Variants in SLC7A1 observed in about 807,000 individuals in gnomAD.
SLC7A1 encodes high affinity cationic amino acid transporter 1.
A neutral mutation model predicts 53.9 loss-of-function variants in SLC7A1; 10 were observed. That is an observed-to-expected ratio of 0.19 (90% CI 0.11 to 0.31). The LOEUF (loss-of-function observed/expected upper bound fraction) is 0.31. Among genes scored for constraint, SLC7A1 ranks in the 10% least tolerant of loss-of-function variants. The probability of loss-of-function intolerance (pLI) is 1.00; values close to 1 mark genes in which losing one functional copy is unlikely to be tolerated. For missense variants in SLC7A1, 525 were observed against 827.2 expected (o/e 0.63, Z 4.48); for synonymous variants, 342 against 338.7 (o/e 1.01, Z -0.11).
chr13:29,571,714 A>T (rs1871200838), intron 1 of SLC7A1, among the ~76,000 whole-genome samples: 1 of 152,222 alleles, frequency 6.6e-6, no homozygotes, highest in Non-Finnish European at 1.5e-5. Context: ...GCGGAAAAGG[A>T]TTGCCCAGTC....
At chr13:29,565,857 C>T (rs887435605) in intron 1 of SLC7A1, among the ~76,000 whole-genome samples, 7 of 152,204 alleles carry the variant, frequency 4.6e-5, no homozygotes, top group African/African-American at 1.4e-4. Context: ...CTCCTCTTAT[C>T]CAAAGCTTCC....
intron 8 of SLC7A1, among the ~76,000 whole-genome samples, chr13:29,519,905 G>T (rs781122665): frequency 2.5e-4 from 38 of 152,036 alleles, no homozygotes; most frequent in Non-Finnish European, 7.4e-5. Flanking sequence ...ACAAGCATAG[G>T]GTATAAGGAT....
chr13:29,522,739 T>C (rs956826394), intron 7 of SLC7A1, among the ~76,000 whole-genome samples: 7 of 152,248 alleles, frequency 4.6e-5, no homozygotes, highest in African/African-American at 1.4e-4. Flanking sequence ...GATGGAAAAC[T>C]GTATTTATTC....
intron 7 of SLC7A1, among the ~76,000 whole-genome samples, chr13:29,522,741 T>C (rs1868686312): frequency 6.6e-6 from 1 of 152,244 alleles, no homozygotes; most frequent in Non-Finnish European, 1.5e-5. Context: ...TGGAAAACTG[T>C]ATTTATTCCT....
chr13:29,522,236 A>G lies in SLC7A1; in HGVS notation c.1189+81T>C, dbSNP rs1868660569. The G allele has an allele frequency of 2.1e-6, 3 of 1,407,600 alleles. No homozygotes were observed. The East Asian group carries it at 6.9e-5, about 32-fold the overall frequency. The allele number at this position is 1,407,600 out of a possible 1,614,324, so 87.2% of individuals were successfully genotyped here. On this transcript the variant is annotated intron_variant, in intron 8 of 12. Coordinates refer to ENST00000380752, the MANE Select transcript of SLC7A1 (RefSeq NM_003045.5). ...GACCAGTTAAGATTACTCACAGACC[A>G]GAACTGCGCAAGACGTCTCCCTAGG...
At chr13:29,580,038 T>C (rs1464692206) in intron 1 of SLC7A1, among the ~76,000 whole-genome samples, 1 of 152,184 alleles carries the variant, frequency 6.6e-6, no homozygotes, top group Non-Finnish European at 1.5e-5. Flanking sequence ...GGATCCATAA[T>C]CATGGAATGT....
chr13:29,527,870 T>C (rs1207312004), intron 5 of SLC7A1, among the ~76,000 whole-genome samples: 1 of 152,258 alleles, frequency 6.6e-6, no homozygotes, highest in Admixed American at 6.5e-5. Flanking sequence ...TACGTGGTAA[T>C]GGAAACTTTA....
chr13:29,533,303 A>G (rs948591370), intron 3 of SLC7A1, among the ~76,000 whole-genome samples: 8 of 152,208 alleles, frequency 5.3e-5, no homozygotes, highest in African/African-American at 1.7e-4. Flanking sequence ...GCACTCTGAT[A>G]ATATTTAATG....
At chr13:29,538,457 G>A (rs1460948761) in intron 2 of SLC7A1, among the ~76,000 whole-genome samples, 3 of 152,198 alleles carry the variant, frequency 2.0e-5, no homozygotes, top group Non-Finnish European at 2.9e-5. Context: ...GACTGCTTCA[G>A]CAAGCTCTCA....
At chr13:29,573,690 A>G (rs1013240250) in intron 1 of SLC7A1, among the ~76,000 whole-genome samples, 6 of 152,256 alleles carry the variant, frequency 3.9e-5, no homozygotes, top group Non-Finnish European at 7.3e-5. Flanking sequence ...TATGCCCCAA[A>G]TATATCACAA....
intron 5 of SLC7A1, among the ~76,000 whole-genome samples, chr13:29,527,743 G>A (rs960977683): frequency 3.9e-5 from 6 of 152,364 alleles, no homozygotes; most frequent in African/African-American, 1.2e-4. Context: ...GGTCAGGCCC[G>A]AGGGTCTCCC....
chr13:29,540,098 G>A (rs1382398791), intron 2 of SLC7A1, among the ~76,000 whole-genome samples: 1 of 152,198 alleles, frequency 6.6e-6, no homozygotes, highest in Non-Finnish European at 1.5e-5. Flanking sequence ...AACCAACAGT[G>A]AGGCTGCACG....
intron 1 of SLC7A1, among the ~76,000 whole-genome samples, chr13:29,564,368 A>G (rs1593571983): frequency 6.6e-6 from 1 of 152,238 alleles, no homozygotes; most frequent in Non-Finnish European, 1.5e-5. Flanking sequence ...AATCTCATTT[A>G]ATACTTAAGC....
chr13:29,547,170 T>C (rs1229240445), intron 2 of SLC7A1, among the ~76,000 whole-genome samples: 1 of 152,024 alleles, frequency 6.6e-6, no homozygotes, highest in South Asian at 2.1e-4. Context: ...TATAAAAGAG[T>C]CATGAGTTAA....
At chr13:29,532,103 G>T (rs992828825) in intron 4 of SLC7A1, among the ~76,000 whole-genome samples, 1 of 152,180 alleles carries the variant, frequency 6.6e-6, no homozygotes, top group Non-Finnish European at 1.5e-5. Flanking sequence ...ATTATGTGGT[G>T]TGTAAAATAA....
chr13:29,560,137 G>GT (rs369938594), intron 1 of SLC7A1, among the ~76,000 whole-genome samples: 1,520 of 150,080 alleles, frequency 0.01, 15 homozygotes, highest in African/African-American at 0.035. Context: ...GAATTTTTTT[G>GT]TTTTTTTTTA....
intron 3 of SLC7A1, 56 bp from the exon 4 acceptor site, chr13:29,533,038 T>C (rs912175898): frequency 6.6e-7 from 1 of 1,520,956 alleles, no homozygotes; most frequent in African/African-American, 1.4e-5. Flanking sequence ...AGCCAGGTAT[T>C]TGTAGTGGAG....
intron 1 of SLC7A1, among the ~76,000 whole-genome samples, chr13:29,584,130 T>TC (rs1566278122): frequency 6.6e-6 from 1 of 151,962 alleles, no homozygotes; most frequent in Non-Finnish European, 1.5e-5. Flanking sequence ...TTTTTTTTTT[T>TC]TGAGACGGAG....
At chr13:29,588,508 C>CTTTCT (rs1871980463) in intron 1 of SLC7A1, among the ~76,000 whole-genome samples, 2 of 144,140 alleles carry the variant, frequency 1.4e-5, no homozygotes, top group Admixed American at 1.4e-4. Flanking sequence ...TCTTTTCTTT[C>CTTTCT]TTTTTTTTTT....
Sources: allele counts gnomAD v4.1 joint callset (sites outside exome capture counted in the v4.1 genomes callset), GRCh38; gene constraint gnomAD v4.1.1; transcripts MANE v1.5; gene names NCBI Gene and HGNC (gene_info 2026-07-23, HGNC 2026-07-21).